Variants in RBKS observed in about 807,000 individuals in gnomAD.
RBKS encodes the protein ribokinase.
In RBKS, 33 loss-of-function variants were observed where a neutral mutation model predicts 33.9. The observed-to-expected ratio is 0.97, with a 90% CI of 0.74 to 1.30. The LOEUF (loss-of-function observed/expected upper bound fraction) is 1.30, where lower values mean the gene tolerates loss of function less well. RBKS is among the 50% of genes most tolerant of loss of function. The pLI is 0.00. For synonymous variants in RBKS, 125 were observed against 143.0 expected (o/e 0.87, Z 0.90); for missense variants, 361 against 392.6 (o/e 0.92, Z 0.68).
chr2:27,884,554 T>C (rs971693254), intron 1 of RBKS, among the ~76,000 whole-genome samples: 3 of 146,236 alleles, frequency 2.1e-5, no homozygotes, highest in Non-Finnish European at 3.0e-5. Context: ...GGCCATAACT[T>C]TTTTTTTTTA....
chr2:27,794,866 C>T (rs888832149), intron 7 of RBKS, among the ~76,000 whole-genome samples: 4 of 152,086 alleles, frequency 2.6e-5, no homozygotes, highest in East Asian at 1.9e-4. Flanking sequence ...TTGGGTGATC[C>T]GCCTGCCTCG....
chr2:27,849,909 C>T (rs1220299255), intron 2 of RBKS, among the ~76,000 whole-genome samples: 1 of 152,208 alleles, frequency 6.6e-6, no homozygotes, highest in Non-Finnish European at 1.5e-5. Context: ...GATACTAATG[C>T]TGGCATCTTA....
chr2:27,785,194 G>C (rs977120180), intron 7 of RBKS, among the ~76,000 whole-genome samples: 1 of 151,732 alleles, frequency 6.6e-6, no homozygotes, highest in African/African-American at 2.4e-5. Flanking sequence ...AACACAAAAA[G>C]ACATGAAAAA....
chr2:27,793,907 TG>T lies in RBKS; in HGVS notation c.796-12120del, dbSNP rs1677585941. ...TTGAGAGAAAGCAATAAAACAAATG[TG>T]GCAAAATGCTAATATTGGGGAAACT... On this transcript the variant is annotated intron_variant, in intron 7 of 7. Transcript: ENST00000302188. Among the ~76,000 whole-genome samples the T allele has an allele frequency of 1.3e-5, 2 of 152,188 alleles. 1 individual carries two copies. The highest frequency in any genetic ancestry group is 1.3e-4 in the Admixed American group (2 of 15,272).
intron 7 of RBKS, among the ~76,000 whole-genome samples, chr2:27,806,801 A>T (rs1452965398): frequency 6.6e-6 from 1 of 152,198 alleles, no homozygotes; most frequent in Non-Finnish European, 1.5e-5. Context: ...AATCGCCTGG[A>T]GGGTTTGTTA....
intron 1 of RBKS, among the ~76,000 whole-genome samples, chr2:27,874,920 T>C (rs1016863145): frequency 6.6e-6 from 1 of 152,208 alleles, no homozygotes; most frequent in African/African-American, 2.4e-5. Context: ...TCTTATACTA[T>C]TAGCTTCTTT....
chr2:27,829,903 C>G (rs901878489), intron 6 of RBKS, among the ~76,000 whole-genome samples: 1 of 152,116 alleles, frequency 6.6e-6, no homozygotes, highest in Non-Finnish European at 1.5e-5. Context: ...GCAGGTTCCT[C>G]CCCCTTTCAC....
chr2:27,832,774 T>G lies in RBKS; in HGVS notation c.518A>C (p.Lys173Thr), dbSNP rs1228809348. 6.2e-7 allele frequency: 1 copy of G among 1,602,962 alleles called. No homozygotes were observed. The highest frequency in any genetic ancestry group is 8.5e-7 in the Non-Finnish European group (1 of 1,169,964). Residue 173 changes from lysine to threonine, a missense_variant, in exon 6 of 8, where the codon AAA becomes ACA. Coordinates refer to ENST00000302188, the MANE Select transcript of RBKS (RefSeq NM_022128.3). ...GGCAGGGGCTGGATTGAACAAGGTT[T>G]TCACTACAAAGGAATGGAAAAGGGG... ...ALTMARRSGV[K>T]TLFNPAPAIA... is the part of the protein sequence containing the mutation.
In RBKS at chr2:27,837,325, CAG is replaced by C. The variant is rs1040402842; in HGVS notation, c.515-4550_515-4549del. Among the ~76,000 whole-genome samples the C allele has an allele frequency of 2.7e-5, 4 of 150,740 alleles. No homozygotes were observed. Among genetic ancestry groups the C allele is most frequent in the Admixed American group, 6.6e-5 (1 of 15,236 alleles). ...CAAAAAACAAAAAGTCAAAACACAA[CAG>C]ATGCTGGTGAGGCTGCAGAGAGAAG... On this transcript the variant is annotated intron_variant, in intron 5 of 7. Transcript: ENST00000302188. The surrounding 1 kb of genome is among the most constrained non-coding windows in gnomAD (Gnocchi z 4.0).
intron 5 of RBKS, among the ~76,000 whole-genome samples, chr2:27,833,633 G>T (rs181466481): frequency 8.2e-4 from 125 of 152,224 alleles, no homozygotes; most frequent in Non-Finnish European, 1.4e-3. Context: ...TTAAGTTCAC[G>T]GTTTGGTCCA....
intron 7 of RBKS, among the ~76,000 whole-genome samples, chr2:27,798,928 C>T (rs1387897705): frequency 1.3e-5 from 2 of 152,148 alleles, no homozygotes; most frequent in Non-Finnish European, 2.9e-5. Context: ...GTCCCGGAAA[C>T]CACCAGTCTC....
intron 7 of RBKS, among the ~76,000 whole-genome samples, chr2:27,816,567 CT>C (rs1253813034): frequency 6.6e-6 from 1 of 152,146 alleles, no homozygotes; most frequent in Non-Finnish European, 1.5e-5. Context: ...TTGGCCTGGT[CT>C]TTGTATGACT....
At chr2:27,809,137 GC>G (rs1403063657) in intron 7 of RBKS, among the ~76,000 whole-genome samples, 1 of 152,220 alleles carries the variant, frequency 6.6e-6, no homozygotes, top group Non-Finnish European at 1.5e-5. Context: ...TGGTGATGTG[GC>G]TTACGCACTG....
At chr2:27,843,324 C>T in intron 4 of RBKS, 93 bp from the exon 5 acceptor site, 1 of 940,564 alleles carries the variant, frequency 1.1e-6, no homozygotes, top group Admixed American at 2.8e-5. Context: ...CTTGTAAAGT[C>T]ATTATACAAA....
At chr2:27,868,121 C>T (rs752980571) in intron 1 of RBKS, among the ~76,000 whole-genome samples, 9 of 152,104 alleles carry the variant, frequency 5.9e-5, no homozygotes, top group Non-Finnish European at 1.2e-4. Flanking sequence ...CATCTTTTTG[C>T]CATCTGCTGG....
chr2:27,877,462 T>C (rs150856367), intron 1 of RBKS, among the ~76,000 whole-genome samples: 7 of 152,330 alleles, frequency 4.6e-5, no homozygotes, highest in African/African-American at 1.7e-4. Context: ...AGAATACCTG[T>C]ATTTTTTCTT....
At chr2:27,792,635 A>ACCTCC (rs1480679747) in intron 7 of RBKS, among the ~76,000 whole-genome samples, 3 of 151,584 alleles carry the variant, frequency 2.0e-5, no homozygotes, top group African/African-American at 7.3e-5. Flanking sequence ...TCCTCCCTTG[A>ACCTCC]CCTCCCTTGC....
At chr2:27,788,431 C>A (rs574904449) in intron 7 of RBKS, among the ~76,000 whole-genome samples, 1 of 152,180 alleles carries the variant, frequency 6.6e-6, no homozygotes, top group Admixed American at 6.5e-5. Flanking sequence ...TGCAGCCAGG[C>A]GCGGTGGCTC....
chr2:27,785,452 G>T (rs1677378924), intron 7 of RBKS, among the ~76,000 whole-genome samples: 1 of 152,138 alleles, frequency 6.6e-6, no homozygotes, highest in African/African-American at 2.4e-5. Context: ...CACACGAAAA[G>T]ATGGTAATGA....
Sources: allele counts gnomAD v4.1 joint callset (sites outside exome capture counted in the v4.1 genomes callset), GRCh38; gene constraint gnomAD v4.1.1; non-coding constraint Gnocchi (gnomAD v3.1); transcripts MANE v1.5; gene names NCBI Gene and HGNC (gene_info 2026-07-23, HGNC 2026-07-21).